The following PRPF40B variants were observed in gnomAD, a reference collection of about 807,000 sequenced individuals.
PRPF40B encodes pre-mRNA-processing factor 40 homolog B.
A neutral mutation model predicts 124.5 loss-of-function variants in PRPF40B; 56 were observed. The observed-to-expected ratio is 0.45, with a 90% CI of 0.36 to 0.56. The LOEUF (loss-of-function observed/expected upper bound fraction) is 0.56. PRPF40B is among the 20% of genes least tolerant of loss of function. PRPF40B has a pLI of 0.00. For synonymous variants in PRPF40B, 443 were observed against 426.4 expected (o/e 1.04, Z -0.48); for missense variants, 1,053 against 1,169.5 (o/e 0.90, Z 1.45).
In PRPF40B at chr12:49,641,936, C is replaced by T. The variant is rs752951274; in HGVS notation, c.1796C>T (p.Thr599Met). 24 of 1,613,576 alleles carry T rather than the reference C, an allele frequency of 1.5e-5. 1 individual carries two copies. The highest frequency in any genetic ancestry group is 1.4e-4 in the South Asian group (13 of 91,078). ...CGGGGCTTCTGCGTGGAGGTGAACA[C>T]GGCCTTTGAGGACTTCGCCCACGTC... is the stretch of plus-strand genomic sequence containing the variant. ...KDRGFCVEVNTAFEDFAHVIS... is the reference protein window; with the variant it reads ...KDRGFCVEVNMAFEDFAHVIS... The change falls in exon 19 of 26, where the codon ACG becomes ATG. Residue 599 changes from threonine to methionine, a missense_variant. By Grantham distance (81) the Thr-to-Met change is moderately conservative. Around this residue, in one of 2 missense-constraint regions of PRPF40B, gnomAD observed 895 missense variants for 1,052.2 expected, o/e 0.85. Transcript: ENST00000548825.
At chr12:49,640,321 G>A (rs912713627) in intron 18 of PRPF40B, 7 of 152,224 alleles carry the variant, frequency 4.6e-5, no homozygotes, top group African/African-American at 1.4e-4. Context: ...CAGGAGAGAT[G>A]AAGGATGAGA....
intron 18 of PRPF40B, chr12:49,638,929 C>G (rs911723483): frequency 6.6e-6 from 1 of 152,196 alleles, no homozygotes; most frequent in Non-Finnish European, 1.5e-5. Flanking sequence ...TTTTGCCTTA[C>G]AAATTCACGT....
chr12:49,623,808 C>T, intron 1 of PRPF40B: 4 of 881,486 alleles, frequency 4.5e-6, no homozygotes, highest in Non-Finnish European at 5.1e-6. Context: ...GGAGCCTGGC[C>T]GGGGGCGAAA....
chr12:49,632,207 C>T, intron 4 of PRPF40B: 1 of 591,690 alleles, frequency 1.7e-6, no homozygotes, highest in Non-Finnish European at 3.0e-6. Flanking sequence ...ACTGTGGACA[C>T]ATGAATATAG....
chr12:49,636,061 T>C, intron 15 of PRPF40B, 68 bp downstream of exon 15: 1 of 1,586,466 alleles, frequency 6.3e-7, no homozygotes, highest in Non-Finnish European at 8.6e-7. Flanking sequence ...CCCCAGAGTC[T>C]GCCTCACCCC....
At position 49,635,273 on chromosome 12, in the gene PRPF40B, C is replaced by T. The variant is rs749678268; in HGVS notation, c.1166+10C>T. The T allele has an allele frequency of 1.2e-6, 2 of 1,611,314 alleles. No homozygotes were observed. The highest frequency in any genetic ancestry group is 8.5e-7 in the Non-Finnish European group (1 of 1,178,618). On this transcript the variant is annotated intron_variant, in intron 13 of 25. Transcript: ENST00000548825. The surrounding 1 kb of genome is among the most constrained non-coding windows in gnomAD (Gnocchi z 4.1). Reference sequence around the variant, plus strand: ...CCACCACCCGCTACCGGTCAGGGGGCCAGGCTGGGCTGGGACTTGGGAACC... The same window carrying T: ...CCACCACCCGCTACCGGTCAGGGGGTCAGGCTGGGCTGGGACTTGGGAACC...
At chr12:49,634,995 G>T in intron 12 of PRPF40B, 104 bp from the exon 13 acceptor site, 1 of 1,224,160 alleles carries the variant, frequency 8.2e-7, no homozygotes, top group Non-Finnish European at 1.1e-6. Flanking sequence ...CTGTGCCCTT[G>T]GAGCCCCTGC....
At position 49,637,743 on chromosome 12, in the gene PRPF40B, T is replaced by G; in HGVS notation, c.1686T>G (p.Pro562=). Residue 562 remains proline (P), a synonymous_variant, in exon 18 of 26, where the codon CCT becomes CCG. Transcript: ENST00000548825. ...CCTCCCTCCTTACAGGCTCCACCCCTCTGGACTTATTCAAGTTCTATGTGG... is the reference window on the plus strand; with the variant it reads ...CCTCCCTCCTTACAGGCTCCACCCCGCTGGACTTATTCAAGTTCTATGTGG... The part of the protein sequence containing the change: ...ANMLGQPGST[P]LDLFKFYVEE... The G allele has an allele frequency of 1.7e-6, 2 of 1,187,188 alleles. No individual in the cohort carries two copies. The highest frequency in any genetic ancestry group is 2.3e-6 in the Non-Finnish European group (2 of 871,026). 73.5% of individuals were successfully genotyped at this position (1,187,188 alleles called of 1,614,324 possible).
In PRPF40B at chr12:49,633,034, T is replaced by C. The variant is rs1265399634; in HGVS notation, c.369T>C (p.His123=). Residue 123 remains histidine (H), a synonymous_variant, in exon 7 of 26, where the codon CAT becomes CAC. Coordinates refer to ENST00000548825, the MANE Select transcript of PRPF40B (RefSeq NM_001031698.3). The stretch of plus-strand genomic sequence containing the variant: ...CCCAGAGGGCCCTATGGAGTGAGCA[T>C]GTGGCCCCAGATGGGCGCATCTACT... ...TGPPRALWSE[H]VAPDGRIYYY... 2 of 1,184,496 alleles carry C rather than the reference T, an allele frequency of 1.7e-6. No individual in the cohort carries two copies. The highest frequency in any genetic ancestry group is 2.3e-6 in the Non-Finnish European group (2 of 878,372). 73.4% of individuals were successfully genotyped at this position (1,184,496 alleles called of 1,614,324 possible).
intron 5 of PRPF40B, 64 bp from the exon 6 acceptor site, chr12:49,632,791 A>G (rs1941352599): frequency 3.1e-6 from 5 of 1,610,440 alleles, no homozygotes; most frequent in Admixed American, 1.7e-5. Context: ...TACGGGAGGC[A>G]TAGGTGGGAA....
Position 49,642,880 on chromosome 12 carries a change from T to C in PRPF40B, c.2119-50T>C, listed in dbSNP as rs1337118913. 4 of 1,569,008 alleles carry C rather than the reference T, an allele frequency of 2.5e-6. No individual in the cohort carries two copies. The highest frequency in any genetic ancestry group is 3.5e-6 in the Non-Finnish European group (4 of 1,151,910). ...AGATTTTAGGAAGTAGGATCCTTCC[T>C]GGGGCTAAGTCTGGTGCTGTCCTCA... On this transcript the variant is annotated intron_variant, in intron 21 of 25. Coordinates refer to ENST00000548825, the MANE Select transcript of PRPF40B (RefSeq NM_001031698.3). This position sits in a 1 kb window ranked among gnomAD's most constrained non-coding sequence, Gnocchi z 5.8.
In PRPF40B at chr12:49,636,519, C is replaced by A. The variant is rs538015377; in HGVS notation, c.1427-197C>A. The stretch of plus-strand genomic sequence containing the variant: ...AGAGCTGAATACTTGCTTATTTATT[C>A]TTATACAATTAATGATCCCCTCTTA... On this transcript the variant is annotated intron_variant, in intron 15 of 25. Coordinates refer to ENST00000548825, the MANE Select transcript of PRPF40B (RefSeq NM_001031698.3). 8.5e-6 allele frequency: 5 copies of A among 586,714 alleles called. No homozygotes were observed. In the Admixed American group the frequency reaches 1.2e-4, roughly 14 times the overall value. The allele number at this position is 586,714 out of a possible 1,614,324, so 36.3% of individuals were successfully genotyped here.
At chr12:49,640,205 G>A (rs1159773322) in intron 18 of PRPF40B, 4 of 152,240 alleles carry the variant, frequency 2.6e-5, no homozygotes, top group Non-Finnish European at 1.5e-5. Context: ...CAGGCAGACA[G>A]ATCCGGGTCA....
Position 49,642,904 on chromosome 12 carries a change from C to CGAG in PRPF40B, c.2119-26_2119-25insGAG. 6.2e-7 allele frequency: 1 copy of CGAG among 1,603,370 alleles called. No homozygotes were observed. The highest frequency in any genetic ancestry group is 8.5e-7 in the Non-Finnish European group (1 of 1,174,132). On this transcript the variant is annotated intron_variant, in intron 21 of 25. Transcript: ENST00000548825. The surrounding 1 kb of genome is among the most constrained non-coding windows in gnomAD (Gnocchi z 5.8). The stretch of plus-strand genomic sequence containing the variant: ...CTGGGGCTAAGTCTGGTGCTGTCCT[C>CGAG]ACCCTTCTTCCTCTGCCTCTAGCAG...
At chr12:49,639,021 A>G (rs577062684) in intron 18 of PRPF40B, 1 of 152,356 alleles carries the variant, frequency 6.6e-6, no homozygotes, top group South Asian at 2.1e-4. Context: ...AAGATGTATC[A>G]TACTGTCCTG....
In PRPF40B at chr12:49,631,436, G is replaced by T; in HGVS notation, c.120G>T (p.Pro40=). 5.5e-6 allele frequency: 7 copies of T among 1,263,948 alleles called. No individual in the cohort carries two copies. The highest frequency in any genetic ancestry group is 5.1e-5 in the South Asian group (2 of 38,942). 78.3% of individuals were successfully genotyped at this position (1,263,948 alleles called of 1,614,324 possible). A position where few individuals can be genotyped will look rare whatever the true frequency, so the allele number is the denominator to read the frequency against. Residue 40 remains proline (P), a synonymous_variant, in exon 3 of 26, where the codon CCG becomes CCT. Coordinates refer to ENST00000548825, the MANE Select transcript of PRPF40B (RefSeq NM_001031698.3). The surrounding 1 kb of genome is among the most constrained non-coding windows in gnomAD (Gnocchi z 4.3). The part of the protein sequence containing the change: ...PPPGIPPPFP[P]MGLPPMSQRP... ...CAGGGATCCCCCCACCCTTTCCTCC[G>T]ATGGGGCTACCCCCCATGAGTCAGA... is the stretch of plus-strand genomic sequence containing the variant.
intron 1 of PRPF40B, among the ~76,000 whole-genome samples, chr12:49,627,222 TTTGTC>T (rs1345894168): frequency 1.3e-5 from 2 of 152,198 alleles, no homozygotes; most frequent in Non-Finnish European, 2.9e-5. Context: ...TATTTGAACA[TTTGTC>T]AAGTCAGGAT....
chr12:49,642,156 C>T lies in PRPF40B; in HGVS notation c.1885-79C>T, dbSNP rs935413726. On this transcript the variant is annotated intron_variant, in intron 19 of 25. Coordinates refer to ENST00000548825, the MANE Select transcript of PRPF40B (RefSeq NM_001031698.3). The surrounding 1 kb of genome is among the most constrained non-coding windows in gnomAD (Gnocchi z 5.8). ...GGTAGAAGCCCAGACCCTAACTTTC[C>T]ACCTCCTAAGGTATGCCTGAGTGGG... 4.0e-5 allele frequency: 64 copies of T among 1,608,906 alleles called. 1 individual carries two copies. The African/African-American group carries it at 7.3e-4, about 18-fold the overall frequency.
At chr12:49,633,403 G>GGC in intron 7 of PRPF40B, 24 bp from the exon 8 acceptor site, 3 of 1,613,916 alleles carry the variant, frequency 1.9e-6, no homozygotes, top group Non-Finnish European at 2.5e-6. Flanking sequence ...TCCCACTGAT[G>GGC]GCTCCTATCC....
Sources: gnomAD v4.1 joint callset for allele counts (sites outside exome capture counted in the v4.1 genomes callset) on GRCh38, gnomAD v4.1.1 for gene constraint, gnomAD v4.1.1 regional missense constraint, Gnocchi (gnomAD v3.1) non-coding constraint, MANE v1.5 for transcripts, NCBI Gene and HGNC (gene_info 2026-07-23, HGNC 2026-07-21) for gene names.